The following CKAP5 variants were observed in gnomAD, a reference collection of about 807,000 sequenced individuals.
CKAP5 encodes the protein cytoskeleton associated protein 5, also known as cytoskeleton-associated protein 5.
CKAP5 carries 27 observed loss-of-function variants against 232.8 expected under a neutral mutation model. The observed-to-expected ratio is 0.12, with a 90% CI of 0.09 to 0.16. The LOEUF (loss-of-function observed/expected upper bound fraction) is 0.16, where lower values mean the gene tolerates loss of function less well. Among genes scored for constraint, CKAP5 ranks in the 10% least tolerant of loss-of-function variants. The pLI, the probability that CKAP5 is intolerant of heterozygous loss-of-function variation, is 1.00. For missense variants in CKAP5, 1,838 were observed against 2,424.7 expected, an observed-to-expected ratio of 0.76 and a Z score of 5.08; for synonymous variants, 785 against 841.1, an observed-to-expected ratio of 0.93 and a Z score of 1.16.
intron 1 of CKAP5, among the ~76,000 whole-genome samples, chr11:46,836,962 A>G (rs1156459108): frequency 1.3e-5 from 2 of 152,196 alleles, no homozygotes; most frequent in East Asian, 3.8e-4. Context: ...GAAGACTATG[A>G]CAAGGGAATC....
rs2064996900 is a variant in CKAP5 at position 46,743,101 on chromosome 11, TACA to T, written c.*919_*921del. 1 of 152,184 alleles carries T rather than the reference TACA, an allele frequency of 6.6e-6. No individual in the cohort carries two copies. Among genetic ancestry groups the T allele is most frequent in the Non-Finnish European group, 1.5e-5 (1 of 68,042 alleles). The allele number at this position is 152,184 out of a possible 1,614,324, so 9.4% of individuals were successfully genotyped here. The stretch of plus-strand genomic sequence containing the variant: ...GTTAGCCTGGACCAAAAGAGACTCA[TACA>T]ACCAAGCAGCAAACCACTAAGATTT... On this transcript the variant is annotated 3_prime_UTR_variant, in exon 44 of 44. Coordinates refer to ENST00000529230, the MANE Select transcript of CKAP5 (RefSeq NM_001008938.4).
intron 10 of CKAP5, 31 bp downstream of exon 10, chr11:46,798,052 A>G (rs1368423492): frequency 6.2e-7 from 1 of 1,608,422 alleles, no homozygotes; most frequent in African/African-American, 1.3e-5. Flanking sequence ...TTTACTTCAG[A>G]TAAAACTACA....
At chr11:46,762,547 T>C in intron 31 of CKAP5, 80 bp downstream of exon 31, 1 of 1,541,546 alleles carries the variant, frequency 6.5e-7, no homozygotes, top group Non-Finnish European at 9.0e-7. Context: ...TGGAGAAATT[T>C]ATTTGTTCAT....
At chr11:46,798,344 GC>G (rs1938941087) in intron 9 of CKAP5, among the ~76,000 whole-genome samples, 172 bp from the exon 10 acceptor site, 1 of 152,148 alleles carries the variant, frequency 6.6e-6, no homozygotes, top group African/African-American at 2.4e-5. Context: ...GGAGGCTGAG[GC>G]AGGTGGGTTG....
chr11:46,802,752 C>A (rs1329113542), intron 8 of CKAP5, among the ~76,000 whole-genome samples: 1 of 152,088 alleles, frequency 6.6e-6, no homozygotes, highest in Non-Finnish European at 1.5e-5. Flanking sequence ...ATGCTTTATT[C>A]TAGATTCTCT....
rs1360864030 is a variant in CKAP5 at position 46,783,368 on chromosome 11, C to T, written c.2155G>A (p.Val719Ile). The T allele has an allele frequency of 1.9e-6, 3 of 1,591,046 alleles. No homozygotes were observed. The highest frequency in any genetic ancestry group is 2.6e-6 in the Non-Finnish European group (3 of 1,161,604). Reference protein sequence around the residue: ...ACMLPWTAEQVVSMAFSQKNP... With the variant: ...ACMLPWTAEQIVSMAFSQKNP... ...TTTTGTGAGAAAGCCATTGACACAACCTGAAAAGGGAAAAACAGCAGATCT... is the reference window on the plus strand; with the variant it reads ...TTTTGTGAGAAAGCCATTGACACAATCTGAAAAGGGAAAAACAGCAGATCT... Residue 719 changes from valine (V) to isoleucine (I), a missense_variant and splice_region_variant, in exon 18 of 44, where the codon GTT (valine) becomes ATT (isoleucine). Val to Ile is a conservative substitution (Grantham distance 29). Coordinates refer to ENST00000529230, the MANE Select transcript of CKAP5 (RefSeq NM_001008938.4).
In CKAP5 at chr11:46,790,946, C is replaced by T. The variant is rs1006820808; in HGVS notation, c.1651-363G>A. Among the ~76,000 whole-genome samples the T allele has an allele frequency of 1.1e-4, 17 of 152,100 alleles. No homozygotes were observed. The East Asian group carries it at 1.2e-3, about 10-fold the overall frequency. ...GATTACAAGCATGTATCACTGAACC[C>T]GGCCTAAAACAGTGGTTTTTAAACT... On this transcript the variant is annotated intron_variant, in intron 13 of 43. Transcript: ENST00000529230.
In CKAP5 at chr11:46,816,192, T is replaced by A; in HGVS notation, c.458+6A>T. 1 of 1,610,854 alleles carries A rather than the reference T, an allele frequency of 6.2e-7. No individual in the cohort carries two copies. On this transcript the variant is annotated splice_donor_region_variant and intron_variant, in intron 4 of 43. Coordinates refer to ENST00000529230, the MANE Select transcript of CKAP5 (RefSeq NM_001008938.4). Reference sequence around the variant, plus strand: ...TCTAGTTAACAAAGCTAAAACAAAGTCTTACCTTAAGGCTTTCCTCAGTGT... The same window carrying A: ...TCTAGTTAACAAAGCTAAAACAAAGACTTACCTTAAGGCTTTCCTCAGTGT...
In CKAP5 at chr11:46,761,084, A is replaced by G. The variant is rs2065151348; in HGVS notation, c.4222-300T>C. Among the ~76,000 whole-genome samples the G allele has an allele frequency of 2.0e-5, 3 of 152,154 alleles. No homozygotes were observed. In the South Asian group the frequency reaches 6.2e-4, roughly 32 times the overall value. On this transcript the variant is annotated intron_variant, in intron 32 of 43. Coordinates refer to ENST00000529230, the MANE Select transcript of CKAP5 (RefSeq NM_001008938.4). ...GGCAACATGGTGAAACCCCATCTAT[A>G]CATAAAGTATAAAAATAAGCTGGGT... is the stretch of plus-strand genomic sequence containing the variant.
At chr11:46,783,534 A>G (rs1321717448) in intron 17 of CKAP5, among the ~76,000 whole-genome samples, 166 bp from the exon 18 acceptor site, 2 of 152,070 alleles carry the variant, frequency 1.3e-5, no homozygotes, top group Non-Finnish European at 2.9e-5. Context: ...AGGTGAAATG[A>G]TAGTAGGACT....
At chr11:46,787,355 G>C (rs1196030104) in intron 16 of CKAP5, among the ~76,000 whole-genome samples, 1 of 152,152 alleles carries the variant, frequency 6.6e-6, no homozygotes, top group African/African-American at 2.4e-5. Flanking sequence ...AGACTAGCAG[G>C]ATGCCAATAA....
chr11:46,819,291 G>A (rs1592480410), intron 2 of CKAP5, among the ~76,000 whole-genome samples: 1 of 152,234 alleles, frequency 6.6e-6, no homozygotes, highest in South Asian at 2.1e-4. Context: ...TATACTCCAA[G>A]GCCCTATGGC....
At position 46,790,553 on chromosome 11, in the gene CKAP5, C is replaced by G; in HGVS notation, c.1681G>C (p.Ala561Pro). ...GTATTCCCTGCGCCTCCTGGTGCAGCTGGTTTCCCCTTTTTTGGTGGCCCA... is the reference window on the plus strand; with the variant it reads ...GTATTCCCTGCGCCTCCTGGTGCAGGTGGTTTCCCCTTTTTTGGTGGCCCA... ...AGGPPKKGKPAAPGGAGNTGT... is the reference protein window; with the variant it reads ...AGGPPKKGKPPAPGGAGNTGT... Residue 561 changes from alanine (A) to proline (P), a missense_variant, in exon 14 of 44, where the codon GCT becomes CCT. Ala to Pro is a conservative substitution (Grantham distance 27, BLOSUM62 -1). Around this residue, in one of 6 missense-constraint regions of CKAP5, gnomAD observed 767 missense variants for 954.6 expected, o/e 0.80. Coordinates refer to ENST00000529230, the MANE Select transcript of CKAP5 (RefSeq NM_001008938.4). 1.9e-6 allele frequency: 3 copies of G among 1,613,854 alleles called. No individual in the cohort carries two copies. The highest frequency in any genetic ancestry group is 2.5e-6 in the Non-Finnish European group (3 of 1,179,764).
At chr11:46,780,876 A>G (rs1423337477) in intron 18 of CKAP5, among the ~76,000 whole-genome samples, 4 of 152,130 alleles carry the variant, frequency 2.6e-5, no homozygotes, top group African/African-American at 7.2e-5. Flanking sequence ...TGCCTGCCTC[A>G]GCCTCCCAAA....
chr11:46,760,480 T>C (rs1259433757), intron 33 of CKAP5, 132 bp downstream of exon 33: 4 of 853,510 alleles, frequency 4.7e-6, no homozygotes, highest in Admixed American at 2.3e-5. Flanking sequence ...TTGGTTACAA[T>C]ACATTTACCC....
chr11:46,821,474 G>A (rs1227212111), intron 1 of CKAP5, among the ~76,000 whole-genome samples: 3 of 137,974 alleles, frequency 2.2e-5, no homozygotes, highest in Non-Finnish European at 4.5e-5. Flanking sequence ...ACCCAGGCTG[G>A]AGTGCAGTGG....
At chr11:46,798,206 A>T (rs1277955214) in intron 9 of CKAP5, 34 bp from the exon 10 acceptor site, 1 of 1,361,818 alleles carries the variant, frequency 7.3e-7, no homozygotes, top group Non-Finnish European at 1.1e-6. Context: ...ATTATTCAGC[A>T]ACAAAGAGGA....
Position 46,798,171 on chromosome 11 carries a change from A to G in CKAP5, c.1085T>C (p.Val362Ala). 6.2e-7 allele frequency: 1 copy of G among 1,611,488 alleles called. No individual in the cohort carries two copies. Among genetic ancestry groups the G allele is most frequent in the Non-Finnish European group, 8.5e-7 (1 of 1,177,716 alleles). ...RKKFGQYAGH[V>A]VPTILEKFKE... ...GAATTTCTCCAAGATGGTTGGCACA[A>G]CCTGTAAAAGTGAATGGCTAGCACA... Residue 362 changes from valine to alanine, a missense_variant and splice_region_variant, in exon 10 of 44, where the codon GTT becomes GCT. By Grantham distance (64) the Val-to-Ala change is moderately conservative (BLOSUM62 0). Around this residue, in one of 6 missense-constraint regions of CKAP5, gnomAD observed 97 missense variants for 167.7 expected, o/e 0.58. Coordinates refer to ENST00000529230, the MANE Select transcript of CKAP5 (RefSeq NM_001008938.4).
In CKAP5 at chr11:46,784,648, A is replaced by T; in HGVS notation, c.1994T>A (p.Val665Asp). Residue 665 changes from valine to aspartate, a missense_variant, in exon 17 of 44, where the codon GTT becomes GAT. Val to Asp is a radical substitution (Grantham distance 152, BLOSUM62 -3). Coordinates refer to ENST00000529230, the MANE Select transcript of CKAP5 (RefSeq NM_001008938.4). Reference sequence around the variant, plus strand: ...ATTTCCCTTCTGGGCAATCAAAGCAACTATATGAAGCTTCATTTGCATCAC... The same window carrying T: ...ATTTCCCTTCTGGGCAATCAAAGCATCTATATGAAGCTTCATTTGCATCAC... The part of the protein sequence containing the change: ...FQVMQMKLHI[V>D]ALIAQKGNFS... The T allele has an allele frequency of 6.2e-7, 1 of 1,614,076 alleles. No individual in the cohort carries two copies. The highest frequency in any genetic ancestry group is 8.5e-7 in the Non-Finnish European group (1 of 1,179,940).
Sources: allele counts gnomAD v4.1 joint callset (sites outside exome capture counted in the v4.1 genomes callset), GRCh38; gene constraint gnomAD v4.1.1; regional missense constraint gnomAD v4.1.1; transcripts MANE v1.5; gene names NCBI Gene and HGNC (gene_info 2026-07-23, HGNC 2026-07-21).